Variants in FKBP5 observed in about 807,000 individuals in gnomAD.
FKBP5 encodes FKBP prolyl isomerase 5, also known as peptidyl-prolyl cis-trans isomerase FKBP5.
A neutral mutation model predicts 50.5 loss-of-function variants in FKBP5; 23 were observed. That is an observed-to-expected ratio of 0.46 (90% confidence interval 0.33 to 0.65). The LOEUF (loss-of-function observed/expected upper bound fraction) is 0.65. Ranked by LOEUF, FKBP5 falls within the 30% of genes least tolerant of loss-of-function variation. The pLI, the probability that FKBP5 is intolerant of heterozygous loss-of-function variation, is 0.02. For missense variants in FKBP5, 411 were observed against 553.1 expected (o/e 0.74, Z 2.58); for synonymous variants, 176 against 190.6 (o/e 0.92, Z 0.63).
intron 2 of FKBP5, among the ~76,000 whole-genome samples, chr6:35,706,149 C>T (rs1037527934): frequency 2.6e-5 from 4 of 150,990 alleles, no homozygotes; most frequent in Admixed American, 6.6e-5. Flanking sequence ...AGGGGCCAGG[C>T]GCAGTGGCTC....
At chr6:35,606,263 C>T (rs1763310736) in intron 5 of FKBP5, among the ~76,000 whole-genome samples, 1 of 152,022 alleles carries the variant, frequency 6.6e-6, no homozygotes. Flanking sequence ...AAGAAGCAGC[C>T]AACGAACATG....
At chr6:35,642,904 T>G (rs2143404) in intron 1 of FKBP5, 61 bp from the exon 2 acceptor site, 1 of 1,197,234 alleles carries the variant, frequency 8.4e-7, no homozygotes, top group Non-Finnish European at 1.2e-6. Context: ...ATCTTGAATG[T>G]CCCTGGGAAC....
At chr6:35,682,946 C>A (rs1244957209) in intron 1 of FKBP5, among the ~76,000 whole-genome samples, 4 of 148,092 alleles carry the variant, frequency 2.7e-5, no homozygotes, top group Non-Finnish European at 6.0e-5. Flanking sequence ...ATATATATAT[C>A]CCATTTCTTT....
intron 8 of FKBP5, chr6:35,585,765 C>T (rs2150955777): frequency 1.0e-6 from 1 of 985,034 alleles, no homozygotes; most frequent in South Asian, 4.7e-5. Flanking sequence ...TGCAACAAAA[C>T]TGATCCTTAT....
At chr6:35,622,466 A>G (rs1763873996) in intron 3 of FKBP5, among the ~76,000 whole-genome samples, 1 of 151,940 alleles carries the variant, frequency 6.6e-6, no homozygotes, top group African/African-American at 2.4e-5. Flanking sequence ...AGCAATGATT[A>G]TGTCACTGCA....
intron 6 of FKBP5, among the ~76,000 whole-genome samples, chr6:35,597,013 G>A (rs1215830897): frequency 6.6e-6 from 1 of 152,102 alleles, no homozygotes; most frequent in Non-Finnish European, 1.5e-5. Flanking sequence ...CATCACAAAA[G>A]CAAAAAGTGG....
At chr6:35,705,213 AAT>A (rs869253345) in intron 2 of FKBP5, among the ~76,000 whole-genome samples, 594 of 71,358 alleles carry the variant, frequency 8.3e-3, no homozygotes, top group South Asian at 0.011. Flanking sequence ...TATATGTACA[AAT>A]ATATATATAT....
intron 2 of FKBP5, among the ~76,000 whole-genome samples, chr6:35,639,859 A>G (rs1470693729): frequency 6.6e-6 from 1 of 152,230 alleles, no homozygotes; most frequent in Non-Finnish European, 1.5e-5. Flanking sequence ...CATCCTGGTA[A>G]TATTCAGAAT....
At chr6:35,614,788 C>T (rs915186493) in intron 5 of FKBP5, among the ~76,000 whole-genome samples, 2 of 152,096 alleles carry the variant, frequency 1.3e-5, no homozygotes, top group Non-Finnish European at 2.9e-5. Flanking sequence ...TGGATTGGAA[C>T]TGGAACTGCA....
intron 5 of FKBP5, among the ~76,000 whole-genome samples, chr6:35,611,260 T>G (rs1019930521): frequency 5.3e-5 from 8 of 152,220 alleles, no homozygotes. Flanking sequence ...TTTGAAAATC[T>G]TTGTTCCCTC....
chr6:35,718,552 C>T (rs1561909109), intron 2 of FKBP5, among the ~76,000 whole-genome samples: 1 of 152,142 alleles, frequency 6.6e-6, no homozygotes. Flanking sequence ...TAAGTCACTT[C>T]CCCTCTTTGG....
At chr6:35,582,862 C>A (rs1406034374) in intron 8 of FKBP5, 3 of 972,812 alleles carry the variant, frequency 3.1e-6, no homozygotes, top group African/African-American at 1.8e-5. Flanking sequence ...GGGTTTAGCA[C>A]CAAGAGGTCT....
chr6:35,624,852 G>A (rs1763949416), intron 3 of FKBP5, among the ~76,000 whole-genome samples: 1 of 152,116 alleles, frequency 6.6e-6, no homozygotes, highest in South Asian at 2.1e-4. Flanking sequence ...GAACCAACGT[G>A]TTCAACTATA....
At chr6:35,671,963 G>A (rs2151005089) in intron 1 of FKBP5, among the ~76,000 whole-genome samples, 1 of 152,040 alleles carries the variant, frequency 6.6e-6, no homozygotes, top group Admixed American at 6.5e-5. Context: ...CCGCCTCCCG[G>A]GTTCACACCA....
chr6:35,675,157 T>C (rs536776303), intron 1 of FKBP5, among the ~76,000 whole-genome samples: 36 of 152,374 alleles, frequency 2.4e-4, no homozygotes, highest in Admixed American at 6.5e-4. Flanking sequence ...CTCTCGCATG[T>C]TATAGTTGAG....
chr6:35,685,496 T>C (rs947276860), intron 1 of FKBP5, among the ~76,000 whole-genome samples: 77 of 152,174 alleles, frequency 5.1e-4, no homozygotes, highest in African/African-American at 1.8e-3. Context: ...AATCTACTAA[T>C]CAGCTAAGTT....
At chr6:35,724,842 C>G (rs1195890720) in intron 1 of FKBP5, among the ~76,000 whole-genome samples, 1 of 151,864 alleles carries the variant, frequency 6.6e-6, no homozygotes, top group Non-Finnish European at 1.5e-5. Flanking sequence ...TTCTGAGCCT[C>G]AGTTTCCTTA....
chr6:35,658,625 G>C (rs1289863906), intron 1 of FKBP5, among the ~76,000 whole-genome samples: 1 of 152,130 alleles, frequency 6.6e-6, no homozygotes, highest in East Asian at 1.9e-4. Flanking sequence ...TGCATCTATT[G>C]AGCTGATCAT....
chr6:35,703,918 G>C (rs1298669543), intron 2 of FKBP5, among the ~76,000 whole-genome samples: 1 of 152,186 alleles, frequency 6.6e-6, no homozygotes, highest in Admixed American at 6.6e-5. Context: ...TAAGTTCTCA[G>C]CATCAGTGTT....
Sources: allele counts gnomAD v4.1 joint callset (sites outside exome capture counted in the v4.1 genomes callset), GRCh38; gene constraint gnomAD v4.1.1; transcripts MANE v1.5; gene names NCBI Gene and HGNC (gene_info 2026-07-23, HGNC 2026-07-21).